Variants in SLC39A11 observed in about 807,000 individuals in gnomAD.
SLC39A11 encodes the protein zinc transporter ZIP11.
SLC39A11 carries 33 observed loss-of-function variants against 36.1 expected under a neutral mutation model. That is an observed-to-expected ratio of 0.91 (90% CI 0.69 to 1.22). SLC39A11 has a LOEUF of 1.22. Among genes scored for constraint, SLC39A11 ranks in the 50% most tolerant of loss-of-function variants. SLC39A11 has a pLI of 0.00. For missense variants in SLC39A11, 432 were observed against 430.3 expected (o/e 1.00, Z -0.03); for synonymous variants, 166 against 170.3 (o/e 0.97, Z 0.20).
At chr17:72,689,233 A>G (rs761517401) in intron 7 of SLC39A11, among the ~76,000 whole-genome samples, 32 of 152,226 alleles carry the variant, frequency 2.1e-4, no homozygotes, top group Non-Finnish European at 4.3e-4. Flanking sequence ...TCGAGAAGAT[A>G]AAATCTCACC....
chr17:72,952,036 G>A (rs1017826389), intron 4 of SLC39A11, among the ~76,000 whole-genome samples: 1 of 152,000 alleles, frequency 6.6e-6, no homozygotes, highest in African/African-American at 2.4e-5. Flanking sequence ...ACAGAGATCC[G>A]TTATCTCCAC....
chr17:72,841,076 T>C (rs1018057495), intron 6 of SLC39A11, among the ~76,000 whole-genome samples: 5 of 151,926 alleles, frequency 3.3e-5, no homozygotes, highest in African/African-American at 1.2e-4. Flanking sequence ...AATAAAAAAT[T>C]AGGACACCTA....
At chr17:73,034,519 G>A (rs2143141725) in intron 3 of SLC39A11, among the ~76,000 whole-genome samples, 1 of 152,314 alleles carries the variant, frequency 6.6e-6, no homozygotes. Context: ...ACTGCTACTG[G>A]CCCAATTCTT....
At chr17:72,840,277 A>C (rs968766639) in intron 6 of SLC39A11, among the ~76,000 whole-genome samples, 14 of 152,248 alleles carry the variant, frequency 9.2e-5, no homozygotes, top group African/African-American at 3.1e-4. Flanking sequence ...ATGTCATAGC[A>C]ACAACCAGCA....
intron 6 of SLC39A11, among the ~76,000 whole-genome samples, chr17:72,769,877 A>G (rs1360808777): frequency 1.3e-5 from 2 of 152,182 alleles, no homozygotes; most frequent in African/African-American, 4.8e-5. Context: ...CCAATCAGAA[A>G]CTCAGAAAAA....
intron 4 of SLC39A11, among the ~76,000 whole-genome samples, chr17:72,956,829 G>A (rs2086269651): frequency 6.6e-6 from 1 of 152,172 alleles, no homozygotes; most frequent in Non-Finnish European, 1.5e-5. Context: ...CTAAAAATGT[G>A]TATGTATCGC....
intron 5 of SLC39A11, among the ~76,000 whole-genome samples, chr17:72,898,719 CAT>C (rs771620852): frequency 4.6e-5 from 7 of 152,250 alleles, no homozygotes; most frequent in Non-Finnish European, 1.0e-4. Flanking sequence ...CGTAGACACT[CAT>C]ATAGATATTC....
In SLC39A11 at chr17:72,966,892, T is replaced by C. The variant is rs183550394; in HGVS notation, c.307-19017A>G. On this transcript the variant is annotated intron_variant, in intron 4 of 9. Transcript: ENST00000255559. ...CCGCTTCATCTGTATTTACAGCCAC[T>C]CCCCACTGCTGGAATTACTGCCTGA... 2.7e-3 allele frequency among the ~76,000 whole-genome samples: 406 copies of C among 152,184 alleles called. 1 individual carries two copies. Among genetic ancestry groups the C allele is most frequent in the Non-Finnish European group, 3.9e-3 (262 of 68,002 alleles).
intron 6 of SLC39A11, among the ~76,000 whole-genome samples, chr17:72,776,945 C>T (rs1025117268): frequency 2.0e-5 from 3 of 152,160 alleles, no homozygotes; most frequent in Non-Finnish European, 4.4e-5. Flanking sequence ...CAGTTCATGG[C>T]TAAATGACCT....
intron 1 of SLC39A11, 94 bp from the exon 2 acceptor site, chr17:73,088,869 G>T: frequency 3.3e-6 from 3 of 900,646 alleles, no homozygotes; most frequent in Non-Finnish European, 5.3e-6. Flanking sequence ...GTGGGAGCTG[G>T]CCTCCCTCCA....
chr17:72,675,690 A>G (rs2071227172), intron 7 of SLC39A11, among the ~76,000 whole-genome samples: 1 of 109,604 alleles, frequency 9.1e-6, no homozygotes, highest in East Asian at 2.7e-4. Context: ...AGATGTCCCA[A>G]TTGTGTGTGT....
chr17:73,077,082 T>C (rs1294684206), intron 3 of SLC39A11, among the ~76,000 whole-genome samples: 3 of 152,158 alleles, frequency 2.0e-5, no homozygotes, highest in East Asian at 1.9e-4. Context: ...GTGTTGGCCT[T>C]ATTAAATGTA....
At chr17:72,878,523 C>T (rs950630542) in intron 5 of SLC39A11, among the ~76,000 whole-genome samples, 9 of 152,226 alleles carry the variant, frequency 5.9e-5, no homozygotes, top group Non-Finnish European at 1.0e-4. Flanking sequence ...CCCATCATAA[C>T]GGCTTTTGGC....
At position 72,945,469 on chromosome 17, in the gene SLC39A11, T is replaced by A. The variant is rs564896654; in HGVS notation, c.430+2283A>T. 3.3e-5 allele frequency among the ~76,000 whole-genome samples: 5 copies of A among 152,346 alleles called. No homozygotes were observed. The South Asian group carries it at 1.0e-3, about 32-fold the overall frequency. ...ACAAATAATGCATATTCAGGCTCCA[T>A]CTGCATGAAGCCAGTTATCAAATAG... On this transcript the variant is annotated intron_variant, in intron 5 of 9. Transcript: ENST00000255559.
chr17:72,896,933 A>T (rs1157739516), intron 5 of SLC39A11, among the ~76,000 whole-genome samples: 1 of 151,078 alleles, frequency 6.6e-6, no homozygotes, highest in African/African-American at 2.4e-5. Context: ...GGCACCTATA[A>T]TCCCAGCTAC....
intron 5 of SLC39A11, among the ~76,000 whole-genome samples, chr17:72,909,145 C>T (rs141330355): frequency 1.0e-3 from 159 of 152,284 alleles, no homozygotes; most frequent in Non-Finnish European, 1.5e-3. Flanking sequence ...TGTTCTGTCA[C>T]CGAGGCTGGA....
intron 6 of SLC39A11, among the ~76,000 whole-genome samples, chr17:72,740,064 T>TTTTC (rs1408241933): frequency 3.1e-5 from 4 of 127,934 alleles, no homozygotes; most frequent in African/African-American, 1.2e-4. Flanking sequence ...TTCTTTTTTT[T>TTTTC]TTTTTTTTTT....
In SLC39A11 at chr17:72,652,001, G is replaced by C. The variant is rs534432884; in HGVS notation, c.672-2733C>G. On this transcript the variant is annotated intron_variant, in intron 7 of 9. Coordinates refer to ENST00000255559, the MANE Select transcript of SLC39A11 (RefSeq NM_139177.4). ...GCTCCAACTTCATCCCTGGATCTAG[G>C]GGGCAGCAAACTTTTTCTGTCATGG... 4.9e-4 allele frequency among the ~76,000 whole-genome samples: 75 copies of C among 152,250 alleles called. 2 individuals carry two copies. The highest frequency in any genetic ancestry group is 1.7e-3 in the African/African-American group (70 of 41,544).
chr17:72,734,057 T>C (rs2074331076), intron 7 of SLC39A11, among the ~76,000 whole-genome samples: 1 of 152,140 alleles, frequency 6.6e-6, no homozygotes, highest in Admixed American at 6.5e-5. Context: ...AGGCTACAGT[T>C]CAGCACATAC....
Sources: gnomAD v4.1 joint callset for allele counts (sites outside exome capture counted in the v4.1 genomes callset) on GRCh38, gnomAD v4.1.1 for gene constraint, MANE v1.5 for transcripts, NCBI Gene and HGNC (gene_info 2026-07-23, HGNC 2026-07-21) for gene names.